The following TNFSF11 variants were observed in gnomAD, a reference collection of about 807,000 sequenced individuals.
TNFSF11 encodes TNF superfamily member 11.
In TNFSF11, 12 loss-of-function variants were observed where a neutral mutation model predicts 32.2. The observed-to-expected ratio is 0.37, with a 90% confidence interval of 0.24 to 0.60. The LOEUF (loss-of-function observed/expected upper bound fraction) is 0.60, where lower values mean the gene tolerates loss of function less well. TNFSF11 is among the 20% of genes least tolerant of loss of function. TNFSF11 has a pLI of 0.66. For missense variants in TNFSF11, 345 were observed against 398.0 expected (o/e 0.87, Z 1.13); for synonymous variants, 172 against 152.1 (o/e 1.13, Z -0.96).
At chr13:42,586,875 G>A (rs1409443090) in intron 2 of TNFSF11, among the ~76,000 whole-genome samples, 2 of 152,012 alleles carry the variant, frequency 1.3e-5, no homozygotes, top group Non-Finnish European at 2.9e-5. Context: ...GTACCTATTT[G>A]GCCTCATCTT....
At chr13:42,597,340 C>CTTTTTT (rs774612741) in intron 2 of TNFSF11, among the ~76,000 whole-genome samples, 2 of 125,748 alleles carry the variant, frequency 1.6e-5, no homozygotes, top group African/African-American at 5.9e-5. Flanking sequence ...GCCTTTTGTT[C>CTTTTTT]TTTTTTTTTT....
At chr13:42,605,063 G>C (rs963529745) in intron 4 of TNFSF11, among the ~76,000 whole-genome samples, 3 of 152,180 alleles carry the variant, frequency 2.0e-5, no homozygotes, top group Non-Finnish European at 4.4e-5. Context: ...GATTACAGGC[G>C]TGAGCCACCG....
intron 2 of TNFSF11, among the ~76,000 whole-genome samples, chr13:42,598,735 A>T (rs1713974632): frequency 6.6e-6 from 1 of 152,246 alleles, no homozygotes; most frequent in Non-Finnish European, 1.5e-5. Context: ...TGCAGCAGGT[A>T]GTAGAGCGCC....
intron 1 of TNFSF11, among the ~76,000 whole-genome samples, chr13:42,578,275 G>A (rs912055208): frequency 5.9e-5 from 9 of 152,168 alleles, no homozygotes; most frequent in Admixed American, 1.3e-4. Flanking sequence ...CGATACATTC[G>A]TTCAGTCAGT....
intron 2 of TNFSF11, among the ~76,000 whole-genome samples, chr13:42,593,361 C>A (rs1407341070): frequency 6.6e-6 from 1 of 152,104 alleles, no homozygotes; most frequent in Non-Finnish European, 1.5e-5. Flanking sequence ...GAAGCAGCCC[C>A]CAGAGGATTT....
intron 1 of TNFSF11, among the ~76,000 whole-genome samples, chr13:42,579,269 A>G (rs887927128): frequency 3.3e-5 from 5 of 151,984 alleles, no homozygotes; most frequent in African/African-American, 9.7e-5. Flanking sequence ...TTAGCCAAGC[A>G]TGGTGGCCTG....
At chr13:42,562,927 C>T (rs1343483471) in exon 1 of TNFSF11, 2 of 152,390 alleles carry the variant, frequency 1.3e-5, no homozygotes, top group South Asian at 2.1e-4. Context: ...AGGTTTCCAG[C>T]CAGAGGCAAG....
At position 42,581,437 on chromosome 13, in the gene TNFSF11, T is replaced by G; in HGVS notation, c.387+144T>G. On this transcript the variant is annotated intron_variant, in intron 2 of 4. Coordinates refer to ENST00000398795, the MANE Select transcript of TNFSF11 (RefSeq NM_003701.4). ...GCTACAGGGAATGCTTTAAAGAGAT[T>G]AGCAGAATTATTTTGAAGTTGGTAG... 4.4e-6 allele frequency: 4 copies of G among 915,140 alleles called. No homozygotes were observed. In the South Asian group the frequency reaches 5.0e-5, roughly 11 times the overall value. 56.7% of individuals were successfully genotyped at this position (915,140 alleles called of 1,614,324 possible). A position where few individuals can be genotyped will look rare whatever the true frequency, so the allele number is the denominator to read the frequency against.
At chr13:42,583,786 C>T (rs1008707912) in intron 2 of TNFSF11, among the ~76,000 whole-genome samples, 1 of 152,008 alleles carries the variant, frequency 6.6e-6, no homozygotes, top group Non-Finnish European at 1.5e-5. Flanking sequence ...ACTGTCCCTA[C>T]GTTATTTAGC....
At chr13:42,595,424 C>T (rs1020343219) in intron 2 of TNFSF11, among the ~76,000 whole-genome samples, 2 of 152,108 alleles carry the variant, frequency 1.3e-5, no homozygotes, top group Non-Finnish European at 2.9e-5. Flanking sequence ...TATTAATGAT[C>T]CTAGCGTGTA....
chr13:42,600,914 C>A lies in TNFSF11; in HGVS notation c.465C>A (p.Ala155=), dbSNP rs1013373033. 2 of 1,613,938 alleles carry A rather than the reference C, an allele frequency of 1.2e-6. No homozygotes were observed. Among genetic ancestry groups the A allele is most frequent in the African/African-American group, 2.7e-5 (2 of 74,892 alleles). ...AMVDGSWLDL[A]KRSKLEAQPF... ...TGGATGGCTCATGGTTAGATCTGGC[C>A]AAGAGGAGCAAGCTTGAAGCTCAGC... The change falls in exon 4 of 5, where the codon GCC becomes GCA. Residue 155 remains alanine (A), a synonymous_variant. Transcript: ENST00000398795.
intron 2 of TNFSF11, among the ~76,000 whole-genome samples, chr13:42,588,339 C>T (rs764368864): frequency 6.6e-5 from 10 of 152,142 alleles, no homozygotes; most frequent in African/African-American, 1.2e-4. Context: ...GGAAAATAAC[C>T]GGTGAGTTAT....
At chr13:42,575,188 C>T (rs1219883315) in intron 1 of TNFSF11, among the ~76,000 whole-genome samples, 2 of 152,168 alleles carry the variant, frequency 1.3e-5, no homozygotes, top group Non-Finnish European at 2.9e-5. Context: ...CCCCACGTGC[C>T]TGCTAGGGAT....
At chr13:42,574,907 C>T (rs1023960133) in intron 1 of TNFSF11, among the ~76,000 whole-genome samples, 1 of 152,230 alleles carries the variant, frequency 6.6e-6, no homozygotes, top group Non-Finnish European at 1.5e-5. Context: ...CTTCTGTTCA[C>T]GTAGGAAAAA....
At chr13:42,597,759 C>T (rs1037091517) in intron 2 of TNFSF11, among the ~76,000 whole-genome samples, 3 of 152,232 alleles carry the variant, frequency 2.0e-5, no homozygotes, top group Admixed American at 1.3e-4. Context: ...TTAACACGCC[C>T]TCCAGGAGGT....
In TNFSF11 at chr13:42,607,621, C is replaced by T. The variant is rs200867907; in HGVS notation, c.*703C>T. On this transcript the variant is annotated 3_prime_UTR_variant, in exon 5 of 5. Coordinates refer to ENST00000398795, the MANE Select transcript of TNFSF11 (RefSeq NM_003701.4). The stretch of plus-strand genomic sequence containing the variant: ...TAATATCAAATGCAGTATATTTCTT[C>T]GTTCTTTTTAAGTTAATAGATTTTT... The T allele has an allele frequency of 1.3e-5, 2 of 152,686 alleles. No individual in the cohort carries two copies. Among genetic ancestry groups the T allele is most frequent in the African/African-American group, 4.8e-5 (2 of 41,424 alleles). The allele number at this position is 152,686 out of a possible 1,614,324, so 9.5% of individuals were successfully genotyped here.
At chr13:42,569,345 G>A (rs1269115251), upstream of TNFSF11, among the ~76,000 whole-genome samples, 2 of 151,946 alleles carry the variant, frequency 1.3e-5, no homozygotes, top group Non-Finnish European at 2.9e-5. Context: ...TCGGGAGATC[G>A]AGACCATCCT....
chr13:42,604,662 G>T (rs774231767), intron 4 of TNFSF11, among the ~76,000 whole-genome samples: 9 of 152,186 alleles, frequency 5.9e-5, no homozygotes, highest in Non-Finnish European at 8.8e-5. Flanking sequence ...GTTCTTTAGA[G>T]ATAAAATTGT....
chr13:42,564,414 A>C (rs533111508), intron 1 of TNFSF11, among the ~76,000 whole-genome samples: 1 of 152,260 alleles, frequency 6.6e-6, no homozygotes, highest in South Asian at 2.1e-4. Flanking sequence ...CTAAAAACAC[A>C]AAATTAGCCG....
Sources: gnomAD v4.1 joint callset for allele counts (sites outside exome capture counted in the v4.1 genomes callset) on GRCh38, gnomAD v4.1.1 for gene constraint, MANE v1.5 for transcripts, NCBI Gene and HGNC (gene_info 2026-07-23, HGNC 2026-07-21) for gene names.